The following PCDHGA1 variants were observed in gnomAD, a reference collection of about 807,000 sequenced individuals.
The protein encoded by PCDHGA1 is protocadherin gamma subfamily A, 1.
A neutral mutation model predicts 58.0 loss-of-function variants in PCDHGA1; 32 were observed. The ratio of observed to expected loss-of-function variants is 0.55; its 90% CI spans 0.42 to 0.74. The LOEUF (loss-of-function observed/expected upper bound fraction) is 0.74. Among genes scored for constraint, PCDHGA1 ranks in the 30% least tolerant of loss-of-function variants. The probability of loss-of-function intolerance (pLI) is 0.00; values close to 1 mark genes in which losing one functional copy is unlikely to be tolerated. For synonymous variants in PCDHGA1, 498 were observed against 501.1 expected, an observed-to-expected ratio of 0.99 and a Z score of 0.08; for missense variants, 1,205 against 1,182.3, an observed-to-expected ratio of 1.02 and a Z score of -0.28.
rs778819723 is a variant in PCDHGA1 at position 141,398,637 on chromosome 5, T to C, written c.2421+65532T>C. 1.9e-6 allele frequency: 3 copies of C among 1,613,908 alleles called. No homozygotes were observed. The African/African-American group carries it at 4.0e-5, about 22-fold the overall frequency. On this transcript the variant is annotated intron_variant, in intron 1 of 3. Transcript: ENST00000517417. ...TTGGCTTAAACTCTCTGCAGAAGTATAAACTCTCTCTTAACCCAAGTTTCT... is the reference window on the plus strand; with the variant it reads ...TTGGCTTAAACTCTCTGCAGAAGTACAAACTCTCTCTTAACCCAAGTTTCT...
At position 141,355,636 on chromosome 5, in the gene PCDHGA1, G is replaced by A. The variant is rs763658720; in HGVS notation, c.2421+22531G>A. Reference sequence around the variant, plus strand: ...GAGGGAAATAAAAGTTGCTGAAAATGAAAATCCTGGGGCAAGATTTCCTCT... The same window carrying A: ...GAGGGAAATAAAAGTTGCTGAAAATAAAAATCCTGGGGCAAGATTTCCTCT... On this transcript the variant is annotated intron_variant, in intron 1 of 3. Coordinates refer to ENST00000517417, the MANE Select transcript of PCDHGA1 (RefSeq NM_018912.3). 1.4e-5 allele frequency: 22 copies of A among 1,613,866 alleles called. No homozygotes were observed. The Admixed American group carries it at 3.7e-4, about 27-fold the overall frequency.
chr5:141,419,735 G>A (rs1013306543), intron 1 of PCDHGA1: 4 of 1,613,806 alleles, frequency 2.5e-6, no homozygotes, highest in Non-Finnish European at 3.4e-6. Flanking sequence ...AACAGGCGAG[G>A]TGCGCATGGT....
rs778815856 is a variant in PCDHGA1 at position 141,332,556 on chromosome 5, C to G, written c.1872C>G (p.Gly624=). 23 of 1,611,568 alleles carry G rather than the reference C, an allele frequency of 1.4e-5. No homozygotes were observed. The highest frequency in any genetic ancestry group is 3.3e-5 in the Admixed American group (2 of 59,904). The change falls in exon 1 of 4, where the codon GGC becomes GGG. Residue 624 remains glycine, a synonymous_variant. Coordinates refer to ENST00000517417, the MANE Select transcript of PCDHGA1 (RefSeq NM_018912.3). This position sits in a 1 kb window ranked among gnomAD's most constrained non-coding sequence, Gnocchi z 4.6. ...PGLFSVGLHT[G]EVRTARALLD... ...TCTTCTCGGTGGGTCTGCACACGGG[C>G]GAGGTGCGCACGGCGCGAGCCCTGC...
At chr5:141,365,918 T>C (rs773521729) in intron 1 of PCDHGA1, 8 of 1,613,992 alleles carry the variant, frequency 5.0e-6, no homozygotes, top group Non-Finnish European at 6.8e-6. Flanking sequence ...AGACCTACAG[T>C]TGTGGGTGAC....
intron 1 of PCDHGA1, among the ~76,000 whole-genome samples, chr5:141,460,672 TATATCTATATA>T (rs2098995194): frequency 6.6e-6 from 1 of 152,086 alleles, no homozygotes; most frequent in Admixed American, 6.6e-5. Flanking sequence ...AACACAGTTA[TATATCTATATA>T]TCCACCAACA....
At chr5:141,484,639 C>A (rs1366750263) in intron 1 of PCDHGA1, among the ~76,000 whole-genome samples, 1 of 151,938 alleles carries the variant, frequency 6.6e-6, no homozygotes, top group Non-Finnish European at 1.5e-5. Context: ...AGTGACCACT[C>A]TCCAATGGCT....
In PCDHGA1 at chr5:141,431,819, A is replaced by C. The variant is rs2097420237; in HGVS notation, c.2422-62988A>C. On this transcript the variant is annotated intron_variant, in intron 1 of 3. Transcript: ENST00000517417. The surrounding 1 kb of genome is among the most constrained non-coding windows in gnomAD (Gnocchi z 4.8). ...AGAAGTGGTCCTCACCTCTCTCGCC[A>C]GCTCGGTTCCCGAAAACTCTCCCAG... 6.2e-7 allele frequency: 1 copy of C among 1,614,154 alleles called. No individual in the cohort carries two copies. Among genetic ancestry groups the C allele is most frequent in the Admixed American group, 1.7e-5 (1 of 60,018 alleles).
At chr5:141,409,870 T>A (rs980871481) in intron 1 of PCDHGA1, 2 of 1,612,670 alleles carry the variant, frequency 1.2e-6, no homozygotes, top group Admixed American at 1.7e-5. Context: ...GAGACCGCAA[T>A]GACAACGCAC....
At chr5:141,383,059 C>A (rs1778767353) in intron 1 of PCDHGA1, 1 of 1,613,894 alleles carries the variant, frequency 6.2e-7, no homozygotes, top group Non-Finnish European at 8.5e-7. Flanking sequence ...GGACCTGGGG[C>A]TGGAGCCCCG....
chr5:141,345,094 G>A lies in PCDHGA1; in HGVS notation c.2421+11989G>A. On this transcript the variant is annotated intron_variant, in intron 1 of 3. Transcript: ENST00000517417. The stretch of plus-strand genomic sequence containing the variant: ...GAAATTACAATCACGTCTCTCACAA[G>A]CTCAGTCCCAGAAGAGGGCACCGTT... 1 of 1,613,950 alleles carries A rather than the reference G, an allele frequency of 6.2e-7. No individual in the cohort carries two copies. The highest frequency in any genetic ancestry group is 2.2e-5 in the East Asian group (1 of 44,882).
In PCDHGA1 at chr5:141,490,755, C is replaced by T; in HGVS notation, c.2422-4052C>T. ...AGGTTCAGGGAGCCCCAGCCTCCTC[C>T]TTTGTGTATGTCAACCCAGAGGATG... On this transcript the variant is annotated intron_variant, in intron 1 of 3. Transcript: ENST00000517417. This position sits in a 1 kb window ranked among gnomAD's most constrained non-coding sequence, Gnocchi z 5.4. 1 of 1,614,190 alleles carries T rather than the reference C, an allele frequency of 6.2e-7. No individual in the cohort carries two copies. Among genetic ancestry groups the T allele is most frequent in the Non-Finnish European group, 8.5e-7 (1 of 1,180,026 alleles).
chr5:141,500,216 ATT>A (rs1562194139), intron 2 of PCDHGA1, among the ~76,000 whole-genome samples: 8 of 149,244 alleles, frequency 5.4e-5, no homozygotes, highest in African/African-American at 2.0e-4. Flanking sequence ...TTATTTATTT[ATT>A]TATTTATTGA....
At chr5:141,419,316 G>T in intron 1 of PCDHGA1, 2 of 1,613,994 alleles carry the variant, frequency 1.2e-6, no homozygotes, top group Non-Finnish European at 1.7e-6. Context: ...CTCAACGGCC[G>T]TGTCTCCTAC....
intron 2 of PCDHGA1, among the ~76,000 whole-genome samples, chr5:141,503,448 C>T (rs765046868): frequency 2.0e-5 from 3 of 151,808 alleles, no homozygotes; most frequent in South Asian, 2.1e-4. Context: ...TACAAAAATT[C>T]GCTGGGCATG....
chr5:141,376,110 G>C (rs772810239), intron 1 of PCDHGA1: 1 of 1,613,644 alleles, frequency 6.2e-7, no homozygotes. Context: ...GCCGACCTGG[G>C]CAGCCTCGAG....
At chr5:141,335,798 C>T (rs973610052) in intron 1 of PCDHGA1, among the ~76,000 whole-genome samples, 2 of 152,074 alleles carry the variant, frequency 1.3e-5, no homozygotes, top group Non-Finnish European at 2.9e-5. Context: ...ACAAAGCAAA[C>T]ATTTAAAAAT....
rs772514271 is a variant in PCDHGA1 at position 141,332,744 on chromosome 5, C to T, written c.2060C>T (p.Ser687Leu). Residue 687 changes from serine to leucine, a missense_variant, in exon 1 of 4, where the codon TCG becomes TTG. Coordinates refer to ENST00000517417, the MANE Select transcript of PCDHGA1 (RefSeq NM_018912.3). The surrounding 1 kb of genome is among the most constrained non-coding windows in gnomAD (Gnocchi z 4.6). ...GAGCCCTCCGCCAAACCCAACGATT[C>T]GGACCTCACTCTGTACCTGGTGGTG... is the stretch of plus-strand genomic sequence containing the variant. ...SLEPSAKPND[S>L]DLTLYLVVAA... 7 of 1,614,082 alleles carry T rather than the reference C, an allele frequency of 4.3e-6. No individual in the cohort carries two copies. Among genetic ancestry groups the T allele is most frequent in the Non-Finnish European group, 5.9e-6 (7 of 1,179,984 alleles).
At chr5:141,430,846 C>CCA in intron 1 of PCDHGA1, 1 of 1,576,346 alleles carries the variant, frequency 6.3e-7, no homozygotes, top group Non-Finnish European at 8.6e-7. Context: ...CCGGATGCAC[C>CCA]CAGATACGCT....
At chr5:141,362,666 G>T in intron 1 of PCDHGA1, 1 of 1,321,002 alleles carries the variant, frequency 7.6e-7, no homozygotes, top group South Asian at 1.5e-5. Flanking sequence ...GGCCAATGTT[G>T]TGCCTTAATT....
Sources: gnomAD v4.1 joint callset for allele counts (sites outside exome capture counted in the v4.1 genomes callset) on GRCh38, gnomAD v4.1.1 for gene constraint, Gnocchi (gnomAD v3.1) non-coding constraint, MANE v1.5 for transcripts, NCBI Gene and HGNC (gene_info 2026-07-23, HGNC 2026-07-21) for gene names.